ZFHX3: variants seen among roughly 807,000 people sequenced by gnomAD.
The protein encoded by ZFHX3 is zinc finger homeobox 3, also known as zinc finger homeobox protein 3.
In ZFHX3, 42 loss-of-function variants were observed where a neutral mutation model predicts 279.1. The ratio of observed to expected loss-of-function variants is 0.15; its 90% CI spans 0.12 to 0.19. The LOEUF is 0.19. ZFHX3 is among the 10% of genes least tolerant of loss of function. The pLI is 1.00. For synonymous variants in ZFHX3, 2,293 were observed against 1,957.8 expected, an observed-to-expected ratio of 1.17 and a Z score of -4.52; for missense variants, 4,981 against 4,754.0, an observed-to-expected ratio of 1.05 and a Z score of -1.40.
intron 3 of ZFHX3, among the ~76,000 whole-genome samples, chr16:73,319,475 G>A (rs543402626): frequency 1.3e-4 from 20 of 152,164 alleles, no homozygotes; most frequent in South Asian, 1.0e-3. Flanking sequence ...GCTTCCGAGC[G>A]TTGTTGAGGG....
intron 1 of ZFHX3, among the ~76,000 whole-genome samples, chr16:73,838,751 CGTGTGTGTGTCTGTGT>C (rs759047741): frequency 1.0e-4 from 14 of 139,602 alleles, no homozygotes; most frequent in Non-Finnish European, 2.0e-4. Flanking sequence ...TGCGCACATG[CGTGTGTGTGTCTGTGT>C]GTGTGTGTGT....
chr16:73,265,363 C>A (rs1274443467), intron 4 of ZFHX3, among the ~76,000 whole-genome samples: 1 of 152,142 alleles, frequency 6.6e-6, no homozygotes, highest in African/African-American at 2.4e-5. Flanking sequence ...CAGCTGGAGT[C>A]AGCTTTGCTG....
intron 5 of ZFHX3, among the ~76,000 whole-genome samples, chr16:73,243,007 A>G (rs73597390): frequency 6.6e-6 from 1 of 152,158 alleles, no homozygotes; most frequent in Non-Finnish European, 1.5e-5. Flanking sequence ...GGGTCCTGAC[A>G]GTGAAAAGGA....
chr16:73,700,179 G>A (rs2053234225), intron 1 of ZFHX3, among the ~76,000 whole-genome samples: 1 of 151,974 alleles, frequency 6.6e-6, no homozygotes, highest in South Asian at 2.1e-4. Flanking sequence ...CTGTGATCAC[G>A]CCACACACTC....
chr16:73,454,185 G>A (rs1423651678), intron 3 of ZFHX3, among the ~76,000 whole-genome samples: 1 of 152,124 alleles, frequency 6.6e-6, no homozygotes, highest in East Asian at 1.9e-4. Context: ...TGTGTTTTGG[G>A]ATGGTGTGCA....
chr16:72,802,393 T>A (rs2036131136), intron 7 of ZFHX3, among the ~76,000 whole-genome samples: 1 of 152,212 alleles, frequency 6.6e-6, no homozygotes, highest in Non-Finnish European at 1.5e-5. Flanking sequence ...TGCCTTCACC[T>A]TCCATCAATT....
intron 3 of ZFHX3, among the ~76,000 whole-genome samples, chr16:72,911,934 C>T (rs939295144): frequency 2.0e-5 from 3 of 152,176 alleles, no homozygotes; most frequent in Admixed American, 6.5e-5. Context: ...ATTGTAACTC[C>T]GGACTCTCTC....
Position 72,820,270 on chromosome 16 carries a change from T to C in ZFHX3, c.3530-8232A>G, listed in dbSNP as rs1000730545. ...TGCTCTGCGTATTTTGGGAGAAAAA[T>C]AGTGCTAAGCCCTACATCAGAGACA... On this transcript the variant is annotated intron_variant, in intron 5 of 9. Coordinates refer to ENST00000268489, the MANE Select transcript of ZFHX3 (RefSeq NM_006885.4). 7.9e-5 allele frequency among the ~76,000 whole-genome samples: 12 copies of C among 152,258 alleles called. No individual in the cohort carries two copies. The East Asian group carries it at 1.4e-3, about 17-fold the overall frequency.
At chr16:72,901,860 C>T (rs781758024) in intron 3 of ZFHX3, among the ~76,000 whole-genome samples, 1 of 152,086 alleles carries the variant, frequency 6.6e-6, no homozygotes, top group Non-Finnish European at 1.5e-5. Flanking sequence ...TTTTGGGTTC[C>T]CCCATAAATA....
At chr16:73,163,091 C>A (rs1345365493) in intron 5 of ZFHX3, among the ~76,000 whole-genome samples, 1 of 152,118 alleles carries the variant, frequency 6.6e-6, no homozygotes, top group East Asian at 1.9e-4. Flanking sequence ...CATAGATGGC[C>A]ATCTTTCATT....
intron 1 of ZFHX3, among the ~76,000 whole-genome samples, chr16:73,819,174 G>T (rs1162422404): frequency 1.3e-5 from 2 of 151,934 alleles, no homozygotes; most frequent in African/African-American, 4.8e-5. Flanking sequence ...TGTAGCCTGG[G>T]AAAGTATCTC....
chr16:73,784,147 G>A (rs1959562783), intron 1 of ZFHX3, among the ~76,000 whole-genome samples: 1 of 152,118 alleles, frequency 6.6e-6, no homozygotes, highest in Non-Finnish European at 1.5e-5. Flanking sequence ...AAGGAGACAG[G>A]TAAGCATTTG....
At chr16:73,546,070 A>C (rs1401976966) in intron 2 of ZFHX3, among the ~76,000 whole-genome samples, 5 of 152,204 alleles carry the variant, frequency 3.3e-5, no homozygotes, top group Non-Finnish European at 7.3e-5. Flanking sequence ...TATTAACTCA[A>C]TGTGAAGCCA....
intron 4 of ZFHX3, among the ~76,000 whole-genome samples, chr16:72,830,569 G>A (rs567620076): frequency 8.5e-5 from 13 of 152,292 alleles, no homozygotes; most frequent in East Asian, 3.9e-4. Flanking sequence ...CACTCACTAC[G>A]GGTTTAAAAC....
At chr16:73,053,987 C>T (rs1475386830) in intron 1 of ZFHX3, among the ~76,000 whole-genome samples, 1 of 145,402 alleles carries the variant, frequency 6.9e-6, no homozygotes, top group Non-Finnish European at 1.5e-5. Flanking sequence ...AGCAGCCCCA[C>T]AAGAAAACGC....
chr16:73,669,473 G>A (rs184418694), intron 2 of ZFHX3, among the ~76,000 whole-genome samples: 130 of 152,294 alleles, frequency 8.5e-4, no homozygotes, highest in African/African-American at 2.9e-3. Context: ...TTCCTGGCTG[G>A]TGCTCCTGTG....
chr16:73,363,908 C>T (rs1029312334), intron 3 of ZFHX3, among the ~76,000 whole-genome samples: 2 of 152,108 alleles, frequency 1.3e-5, no homozygotes, highest in African/African-American at 4.8e-5. Flanking sequence ...CACGGCAGCT[C>T]ATGCCTGTAA....
intron 2 of ZFHX3, among the ~76,000 whole-genome samples, chr16:73,586,718 G>A (rs1250330739): frequency 6.6e-6 from 1 of 152,106 alleles, no homozygotes; most frequent in Non-Finnish European, 1.5e-5. Flanking sequence ...GGCAGATGAG[G>A]CAGACAGAAG....
At chr16:73,603,093 G>A (rs1283187100) in intron 2 of ZFHX3, among the ~76,000 whole-genome samples, 1 of 151,994 alleles carries the variant, frequency 6.6e-6, no homozygotes, top group South Asian at 2.1e-4. Flanking sequence ...AGACCATCCT[G>A]GCTAACACGG....
Sources: gnomAD v4.1 joint callset for allele counts (sites outside exome capture counted in the v4.1 genomes callset) on GRCh38, gnomAD v4.1.1 for gene constraint, MANE v1.5 for transcripts, NCBI Gene and HGNC (gene_info 2026-07-23, HGNC 2026-07-21) for gene names.